Variants in ARHGAP21 observed in about 807,000 individuals in gnomAD.
ARHGAP21 encodes the protein Rho GTPase activating protein 21, also known as rho GTPase-activating protein 21.
In ARHGAP21, 38 loss-of-function variants were observed where a neutral mutation model predicts 164.6. The observed-to-expected ratio is 0.23, with a 90% CI of 0.18 to 0.30. ARHGAP21 has a LOEUF of 0.30. ARHGAP21 is among the 10% of genes least tolerant of loss of function. ARHGAP21 has a pLI of 1.00. For missense variants in ARHGAP21, 1,822 were observed against 2,370.7 expected, an observed-to-expected ratio of 0.77 and a Z score of 4.81; for synonymous variants, 766 against 857.9, an observed-to-expected ratio of 0.89 and a Z score of 1.87.
Position 24,600,132 on chromosome 10 carries a change from C to CAAAAAAAAAA in ARHGAP21, c.3132+504_3132+513dup, listed in dbSNP as rs56180973. ...TGGGCAACAGAGCAGGACTTCGTTT[C>CAAAAAAAAAA]AAAAAAAAAAAAAAAAAAGCTGACT... is the stretch of plus-strand genomic sequence containing the variant. On this transcript the variant is annotated intron_variant, in intron 14 of 25. Transcript: ENST00000396432. Among the ~76,000 whole-genome samples, 39 of 94,830 alleles carry CAAAAAAAAAA rather than the reference C, an allele frequency of 4.1e-4. 2 individuals are homozygous for CAAAAAAAAAA. Among genetic ancestry groups the CAAAAAAAAAA allele is most frequent in the South Asian group, 8.3e-4 (2 of 2,424 alleles). The allele number at this position is 94,830 out of a possible 152,430, so 62.2% of individuals were successfully genotyped here.
intron 25 of ARHGAP21, among the ~76,000 whole-genome samples, chr10:24,587,851 G>T (rs540223814): frequency 6.6e-6 from 1 of 152,068 alleles, no homozygotes; most frequent in Non-Finnish European, 1.5e-5. Flanking sequence ...TACAGAGACT[G>T]TTTGTTAGAA....
chr10:24,590,196 T>C, intron 24 of ARHGAP21: 1 of 1,436,710 alleles, frequency 7.0e-7, no homozygotes, highest in Non-Finnish European at 9.1e-7. Context: ...TAAGAACTGG[T>C]AGACCATACC....
chr10:24,627,245 T>C (rs1373687090), intron 7 of ARHGAP21, among the ~76,000 whole-genome samples: 1 of 152,216 alleles, frequency 6.6e-6, no homozygotes, highest in African/African-American at 2.4e-5. Flanking sequence ...GCTGTAAAAA[T>C]GTTCACATTA....
rs1159557546 is a variant in ARHGAP21 at position 24,604,034 on chromosome 10, AAG to A, written c.2721+276_2721+277del. On this transcript the variant is annotated intron_variant, in intron 12 of 25. Transcript: ENST00000396432. ...GGGAAGTATGAGGGGAGGGAGAAGAAAGAGAACAGGGGTGGGGTGGGGGGTGT... is the reference window on the plus strand; with the variant it reads ...GGGAAGTATGAGGGGAGGGAGAAGAAAGAACAGGGGTGGGGTGGGGGGTGT... Among the ~76,000 whole-genome samples the A allele has an allele frequency of 2.0e-5, 3 of 146,788 alleles. No homozygotes were observed. In the East Asian group the frequency reaches 6.4e-4, roughly 31 times the overall value.
rs1358773436 is a variant in ARHGAP21 at position 24,702,885 on chromosome 10, A to G, written c.63+18952T>C. 3.9e-5 allele frequency among the ~76,000 whole-genome samples: 6 copies of G among 152,252 alleles called. No individual in the cohort carries two copies. The East Asian group carries it at 1.2e-3, about 29-fold the overall frequency. On this transcript the variant is annotated intron_variant, in intron 2 of 25. Transcript: ENST00000396432. Reference sequence around the variant, plus strand: ...CCTATGAAAATAATCCTGAACAGGAAACAGTTTAAAACACAAAGATATTCA... The same window carrying G: ...CCTATGAAAATAATCCTGAACAGGAGACAGTTTAAAACACAAAGATATTCA...
intron 3 of ARHGAP21, 131 bp from the exon 4 acceptor site, chr10:24,667,140 T>C (rs2131737534): frequency 2.1e-6 from 1 of 476,964 alleles, no homozygotes; most frequent in East Asian, 4.2e-5. Context: ...AACAATATTC[T>C]TAATGATCAC....
chr10:24,687,596 T>C (rs1346135298), intron 2 of ARHGAP21, among the ~76,000 whole-genome samples: 1 of 152,188 alleles, frequency 6.6e-6, no homozygotes, highest in African/African-American at 2.4e-5. Flanking sequence ...TTTTACCAAA[T>C]AGAGATATTT....
At chr10:24,666,903 C>A in intron 4 of ARHGAP21, 82 bp downstream of exon 4, 1 of 994,400 alleles carries the variant, frequency 1.0e-6, no homozygotes, top group South Asian at 1.5e-5. Flanking sequence ...AAAATTATAT[C>A]ATCTCATTTA....
chr10:24,590,950 A>G (rs1592928076), intron 24 of ARHGAP21: 1 of 973,116 alleles, frequency 1.0e-6, no homozygotes, highest in Non-Finnish European at 1.2e-6. Flanking sequence ...TAAAAAAAAA[A>G]AAAAAAAAAA....
At chr10:24,591,122 G>A in intron 24 of ARHGAP21, 103 bp downstream of exon 24, 1 of 1,121,394 alleles carries the variant, frequency 8.9e-7, no homozygotes, top group East Asian at 2.4e-5. Flanking sequence ...AAGAGAAAAA[G>A]AAAAAAATCA....
chr10:24,626,446 G>C (rs1835148371), intron 7 of ARHGAP21, among the ~76,000 whole-genome samples: 1 of 152,226 alleles, frequency 6.6e-6, no homozygotes, highest in African/African-American at 2.4e-5. Flanking sequence ...AGAAGCCACA[G>C]AGAGCTGCGT....
At chr10:24,597,667 TGA>T in intron 15 of ARHGAP21, 84 bp from the exon 16 acceptor site, 8 of 1,539,328 alleles carry the variant, frequency 5.2e-6, no homozygotes, top group Non-Finnish European at 6.1e-6. Flanking sequence ...AGCCATGGTC[TGA>T]AAATATTAAC....
At chr10:24,640,160 G>C (rs558876700) in intron 4 of ARHGAP21, 1 of 151,852 alleles carries the variant, frequency 6.6e-6, no homozygotes, top group African/African-American at 2.4e-5. Flanking sequence ...GAAAATAATG[G>C]CTCTTGTCTA....
chr10:24,597,916 A>T, intron 15 of ARHGAP21, 29 bp downstream of exon 15: 1 of 1,600,698 alleles, frequency 6.2e-7, no homozygotes, highest in Non-Finnish European at 8.5e-7. Flanking sequence ...TTATATCCAA[A>T]TTAACTGCAG....
intron 2 of ARHGAP21, among the ~76,000 whole-genome samples, chr10:24,686,784 T>C (rs1180405275): frequency 6.6e-6 from 1 of 152,252 alleles, no homozygotes; most frequent in African/African-American, 2.4e-5. Context: ...AGATGAGTTA[T>C]GACTGTTTTC....
At chr10:24,630,741 C>T (rs1835774332) in intron 6 of ARHGAP21, among the ~76,000 whole-genome samples, 1 of 152,208 alleles carries the variant, frequency 6.6e-6, no homozygotes, top group African/African-American at 2.4e-5. Context: ...GACCTGCCCA[C>T]TTCAGCCTCC....
chr10:24,713,594 A>G (rs1340889759), intron 2 of ARHGAP21, among the ~76,000 whole-genome samples: 1 of 152,026 alleles, frequency 6.6e-6, no homozygotes, highest in Non-Finnish European at 1.5e-5. Flanking sequence ...GATAACTAGA[A>G]GAGGACTTAT....
At chr10:24,679,460 G>T (rs1841569043) in intron 2 of ARHGAP21, among the ~76,000 whole-genome samples, 1 of 152,162 alleles carries the variant, frequency 6.6e-6, no homozygotes, top group Non-Finnish European at 1.5e-5. Context: ...GAGGGTTTGG[G>T]TGTCAACATA....
At chr10:24,625,994 G>A (rs556482351) in intron 7 of ARHGAP21, among the ~76,000 whole-genome samples, 13 of 152,182 alleles carry the variant, frequency 8.5e-5, no homozygotes, top group African/African-American at 1.2e-4. Flanking sequence ...TCTCAGACCC[G>A]CCCGAGTTCA....
Sources: gnomAD v4.1 joint callset for allele counts (sites outside exome capture counted in the v4.1 genomes callset) on GRCh38, gnomAD v4.1.1 for gene constraint, MANE v1.5 for transcripts, NCBI Gene and HGNC (gene_info 2026-07-23, HGNC 2026-07-21) for gene names.